YEATS4: variants seen among roughly 807,000 people sequenced by gnomAD.
YEATS4 encodes YEATS domain-containing protein 4.
Under a neutral mutation model 30.1 loss-of-function variants are expected in YEATS4, and 17 were observed. That is an observed-to-expected ratio of 0.56 (90% CI 0.39 to 0.85). The LOEUF (loss-of-function observed/expected upper bound fraction) is 0.85. Ranked by LOEUF, YEATS4 falls within the 40% of genes least tolerant of loss-of-function variation. The probability of loss-of-function intolerance (pLI) is 0.00; values close to 1 mark genes in which losing one functional copy is unlikely to be tolerated. For missense variants in YEATS4, 142 were observed against 268.3 expected (o/e 0.53, Z 3.29); for synonymous variants, 85 against 87.5 (o/e 0.97, Z 0.16).
chr12:69,407,286 C>T, the YEATS4 span, among the ~76,000 whole-genome samples: 3 of 152,064 alleles, frequency 2.0e-5, no homozygotes, highest in African/African-American at 7.2e-5. Context: ...TGAGTAACTT[C>T]TCTAAGCTTC....
chr12:69,379,503 T>C (rs1875987203), intron 6 of YEATS4, among the ~76,000 whole-genome samples: 1 of 150,862 alleles, frequency 6.6e-6, no homozygotes, highest in Admixed American at 6.6e-5. Context: ...ACCTCCACCT[T>C]CCGGGTTCAA....
chr12:69,418,944 A>G, the YEATS4 span, among the ~76,000 whole-genome samples: 2 of 150,514 alleles, frequency 1.3e-5, no homozygotes, highest in Admixed American at 1.3e-4. Flanking sequence ...TGTTTTATGT[A>G]TAAATATATA....
At chr12:69,364,021 A>G (rs185364562) in intron 2 of YEATS4, among the ~76,000 whole-genome samples, 6 of 152,356 alleles carry the variant, frequency 3.9e-5, no homozygotes, top group Admixed American at 6.5e-5. Flanking sequence ...AAATCCATAG[A>G]CAAAGAAAAT....
intron 6 of YEATS4, among the ~76,000 whole-genome samples, chr12:69,389,224 C>T (rs1188115295): frequency 1.3e-5 from 2 of 151,888 alleles, no homozygotes; most frequent in South Asian, 2.1e-4. Context: ...CTAAGGAGGG[C>T]GGATTGCCTG....
chr12:69,412,631 C>T, the YEATS4 span, among the ~76,000 whole-genome samples: 1 of 151,848 alleles, frequency 6.6e-6, no homozygotes, highest in East Asian at 1.9e-4. Flanking sequence ...CCAGCCTGGG[C>T]GATAGAGCAA....
At position 69,372,537 on chromosome 12, in the gene YEATS4, G is replaced by GTTTTTTTTTTT. The variant is rs71094710; in HGVS notation, c.514+1567_514+1577dup. ...CTACTCTGTTTTCTGTATCTCATGA[G>GTTTTTTTTTTT]TTTTTTTTTTTTTTTGAGACAGAGC... On this transcript the variant is annotated intron_variant, in intron 6 of 6. Transcript: ENST00000247843. Among the ~76,000 whole-genome samples, 194 of 122,992 alleles carry GTTTTTTTTTTT rather than the reference G, an allele frequency of 1.6e-3. 4 individuals carry two copies. Among genetic ancestry groups the GTTTTTTTTTTT allele is most frequent in the East Asian group, 7.7e-3 (29 of 3,768 alleles). The allele number at this position is 122,992 out of a possible 152,430, so 80.7% of individuals were successfully genotyped here.
intron 1 of YEATS4, 29 bp downstream of exon 1, chr12:69,360,052 G>C: frequency 3.1e-6 from 5 of 1,608,066 alleles, no homozygotes; most frequent in Non-Finnish European, 4.2e-6. Context: ...CCTCTTCCGG[G>C]GTGGCTCTCC....
At chr12:69,401,748 A>T in the YEATS4 span, among the ~76,000 whole-genome samples, 3 of 152,226 alleles carry the variant, frequency 2.0e-5, no homozygotes, top group Non-Finnish European at 4.4e-5. Flanking sequence ...TAGGATCTTC[A>T]TGCTGTTCCT....
In YEATS4 at chr12:69,385,180, A is replaced by AT. The variant is rs35689180; in HGVS notation, c.515-4953dup. On this transcript the variant is annotated intron_variant, in intron 6 of 6. Coordinates refer to ENST00000247843, the MANE Select transcript of YEATS4 (RefSeq NM_006530.4). ...AGGTATGTGCCACCATGTCTGGCTA[A>AT]TTTTTTTTTTTTTTGTAGGGGCAGG... is the stretch of plus-strand genomic sequence containing the variant. Among the ~76,000 whole-genome samples, 653 of 146,314 alleles carry AT rather than the reference A, an allele frequency of 4.5e-3. 6 individuals carry two copies. Among genetic ancestry groups the AT allele is most frequent in the African/African-American group, 0.012 (483 of 39,760 alleles).
chr12:69,363,978 T>A (rs1362415344), intron 2 of YEATS4, among the ~76,000 whole-genome samples: 1 of 152,254 alleles, frequency 6.6e-6, no homozygotes, highest in Admixed American at 6.5e-5. Flanking sequence ...AAATATTATA[T>A]GCTTTTATTT....
At chr12:69,416,497 A>G in the YEATS4 span, among the ~76,000 whole-genome samples, 2 of 152,120 alleles carry the variant, frequency 1.3e-5, no homozygotes, top group East Asian at 3.9e-4. Context: ...GGTGTTTCTA[A>G]ATGGTGCTTA....
At chr12:69,394,532 T>A (rs1014377723), downstream of YEATS4, among the ~76,000 whole-genome samples, 3 of 152,164 alleles carry the variant, frequency 2.0e-5, no homozygotes, top group African/African-American at 7.2e-5. Context: ...AGATAAATGG[T>A]ACAGATAAAC....
chr12:69,412,073 T>A, the YEATS4 span, among the ~76,000 whole-genome samples: 1 of 152,198 alleles, frequency 6.6e-6, no homozygotes, highest in Non-Finnish European at 1.5e-5. Context: ...GGAGCCCATG[T>A]CAGAGTCCAG....
chr12:69,365,718 AT>A lies in YEATS4; in HGVS notation c.238+21del. 1 of 1,606,726 alleles carries A rather than the reference AT, an allele frequency of 6.2e-7. No homozygotes were observed. Among genetic ancestry groups the A allele is most frequent in the Non-Finnish European group, 8.5e-7 (1 of 1,175,404 alleles). ...TTAAGAGGTACAATATAGTCTTTTG[AT>A]TCACAATATCCAAAGTTAAAAATGG... is the stretch of plus-strand genomic sequence containing the variant. On this transcript the variant is annotated intron_variant, in intron 3 of 6. Transcript: ENST00000247843.
At position 69,370,956 on chromosome 12, in the gene YEATS4, C is replaced by T. The variant is rs751430455; in HGVS notation, c.495C>T (p.Ala165=). 2 of 1,611,876 alleles carry T rather than the reference C, an allele frequency of 1.2e-6. No individual in the cohort carries two copies. Among genetic ancestry groups the T allele is most frequent in the African/African-American group, 1.3e-5 (1 of 74,898 alleles). The part of the protein sequence containing the change: ...LTTSRQLTLG[A]YKHETEFAEL... ...CATCTCGTCAGCTAACATTAGGAGCCTATAAGCATGAAACAGAATGTAAGT... is the reference window on the plus strand; with the variant it reads ...CATCTCGTCAGCTAACATTAGGAGCTTATAAGCATGAAACAGAATGTAAGT... Residue 165 remains alanine, a synonymous_variant, in exon 6 of 7, where the codon GCC becomes GCT. Coordinates refer to ENST00000247843, the MANE Select transcript of YEATS4 (RefSeq NM_006530.4).
chr12:69,411,101 C>A, the YEATS4 span, among the ~76,000 whole-genome samples: 1 of 152,118 alleles, frequency 6.6e-6, no homozygotes, highest in Non-Finnish European at 1.5e-5. Flanking sequence ...ATATTAAGCA[C>A]CTTGTGTGTA....
chr12:69,414,734 T>G, the YEATS4 span, among the ~76,000 whole-genome samples: 3 of 152,182 alleles, frequency 2.0e-5, no homozygotes, highest in African/African-American at 7.2e-5. Context: ...CAGAATCCCC[T>G]TGACTTCCAA....
the YEATS4 span, among the ~76,000 whole-genome samples, chr12:69,417,738 A>G: frequency 6.6e-6 from 1 of 152,146 alleles, no homozygotes; most frequent in Admixed American, 6.5e-5. Context: ...TGAAAACAAC[A>G]GCAGCCGCTT....
the YEATS4 span, among the ~76,000 whole-genome samples, chr12:69,416,517 A>T: frequency 6.6e-6 from 1 of 152,176 alleles, no homozygotes; most frequent in Non-Finnish European, 1.5e-5. Flanking sequence ...ATCAGTGTGC[A>T]GAGTCACTTA....
Sources: gnomAD v4.1 joint callset for allele counts (sites outside exome capture counted in the v4.1 genomes callset) on GRCh38, gnomAD v4.1.1 for gene constraint, MANE v1.5 for transcripts, NCBI Gene and HGNC (gene_info 2026-07-23, HGNC 2026-07-21) for gene names.